OXR1: variants seen among roughly 807,000 people sequenced by gnomAD.
OXR1 encodes oxidation resistance 1.
A neutral mutation model predicts 104.6 loss-of-function variants in OXR1; 41 were observed. That is an observed-to-expected ratio of 0.39 (90% CI 0.31 to 0.51). The LOEUF (loss-of-function observed/expected upper bound fraction) is 0.51, where lower values mean the gene tolerates loss of function less well. Ranked by LOEUF, OXR1 falls within the 20% of genes least tolerant of loss-of-function variation. OXR1 has a pLI of 0.77. For missense variants in OXR1, 955 were observed against 1,031.9 expected (o/e 0.93, Z 1.02); for synonymous variants, 348 against 348.4 (o/e 1.00, Z 0.01).
intron 1 of OXR1, among the ~76,000 whole-genome samples, chr8:106,283,055 G>C (rs184544503): frequency 4.6e-4 from 70 of 152,276 alleles, no homozygotes; most frequent in African/African-American, 1.3e-3. Context: ...GTGAACACTG[G>C]TGTGGTCCAG....
intron 1 of OXR1, among the ~76,000 whole-genome samples, chr8:106,333,697 T>C (rs1414233975): frequency 6.6e-6 from 1 of 152,118 alleles, no homozygotes; most frequent in African/African-American, 2.4e-5. Context: ...TTTTTGCATG[T>C]AGATAATGAT....
At chr8:106,292,087 T>C (rs934140759) in intron 1 of OXR1, among the ~76,000 whole-genome samples, 1 of 152,154 alleles carries the variant, frequency 6.6e-6, no homozygotes, top group African/African-American at 2.4e-5. Flanking sequence ...AATCATCCTT[T>C]TGTTCAGCGT....
chr8:106,567,691 T>G (rs1227510392), intron 3 of OXR1, among the ~76,000 whole-genome samples: 1 of 152,190 alleles, frequency 6.6e-6, no homozygotes, highest in African/African-American at 2.4e-5. Flanking sequence ...TTTTAGGACA[T>G]GAAGTTTTCA....
At chr8:106,371,759 ACT>A (rs148983697) in intron 2 of OXR1, among the ~76,000 whole-genome samples, 4,152 of 152,066 alleles carry the variant, frequency 0.027, 59 homozygotes, top group Non-Finnish European at 0.032. Flanking sequence ...TTCTCCAATA[ACT>A]CTTCCTGCAG....
At chr8:106,298,653 A>G (rs1235450388) in intron 1 of OXR1, among the ~76,000 whole-genome samples, 1 of 152,218 alleles carries the variant, frequency 6.6e-6, no homozygotes, top group Non-Finnish European at 1.5e-5. Context: ...ACTCAGAGCC[A>G]TAAATATTGA....
chr8:106,386,141 T>C (rs940907958), intron 2 of OXR1, among the ~76,000 whole-genome samples: 1 of 152,166 alleles, frequency 6.6e-6, no homozygotes, highest in African/African-American at 2.4e-5. Context: ...TCTGTAACTG[T>C]CTACTATCCC....
intron 3 of OXR1, among the ~76,000 whole-genome samples, chr8:106,549,243 C>CGT (rs746990373): frequency 4.5e-4 from 58 of 128,674 alleles, no homozygotes; most frequent in Middle Eastern, 4.2e-3. Context: ...ACATATCAAA[C>CGT]ATTTTTTTTT....
chr8:106,337,452 G>A (rs900774462), intron 1 of OXR1, among the ~76,000 whole-genome samples: 5 of 152,126 alleles, frequency 3.3e-5, no homozygotes, highest in Non-Finnish European at 5.9e-5. Context: ...CTTGTTTCAC[G>A]AATAGAGAAT....
chr8:106,405,160 A>AGTGTG (rs1369065094), intron 2 of OXR1, among the ~76,000 whole-genome samples: 1 of 23,976 alleles, frequency 4.2e-5, no homozygotes, highest in African/African-American at 1.2e-4. Flanking sequence ...ATATATATAT[A>AGTGTG]TATATATATA....
At chr8:106,292,549 C>G (rs1304019983) in intron 1 of OXR1, among the ~76,000 whole-genome samples, 4 of 152,146 alleles carry the variant, frequency 2.6e-5, no homozygotes, top group African/African-American at 9.7e-5. Flanking sequence ...TGGTACTATC[C>G]TCGGTTTCAG....
chr8:106,612,994 C>T lies in OXR1; in HGVS notation c.221-66216C>T, dbSNP rs544188084. On this transcript the variant is annotated intron_variant, in intron 3 of 16. Transcript: ENST00000517566. ...TCTGCAACACGTGCTTTCAGGCAAG[C>T]GTTAGTCAGTGCAGCTCAGGGAAAA... 7.9e-5 allele frequency among the ~76,000 whole-genome samples: 12 copies of T among 152,118 alleles called. No homozygotes were observed. The South Asian group carries it at 1.5e-3, about 18-fold the overall frequency.
intron 3 of OXR1, among the ~76,000 whole-genome samples, chr8:106,536,920 A>G (rs1234747719): frequency 6.6e-6 from 1 of 152,218 alleles, no homozygotes; most frequent in Non-Finnish European, 1.5e-5. Context: ...ATTATCTGTT[A>G]TCTGAAAAGC....
chr8:106,362,764 C>G (rs1816299698), intron 2 of OXR1, among the ~76,000 whole-genome samples: 1 of 152,116 alleles, frequency 6.6e-6, no homozygotes, highest in Non-Finnish European at 1.5e-5. Flanking sequence ...AGGTTCCAGG[C>G]TAATCTGAGG....
At chr8:106,548,509 C>A (rs1815549841) in intron 3 of OXR1, among the ~76,000 whole-genome samples, 2 of 152,102 alleles carry the variant, frequency 1.3e-5, no homozygotes, top group African/African-American at 4.8e-5. Flanking sequence ...GCTATAGAGG[C>A]AACAACTATA....
intron 2 of OXR1, among the ~76,000 whole-genome samples, chr8:106,365,233 A>G (rs1331001923): frequency 1.3e-5 from 2 of 152,132 alleles, no homozygotes; most frequent in East Asian, 1.9e-4. Flanking sequence ...GAGAGATAAT[A>G]TGAGTATTTC....
chr8:106,594,224 G>A (rs541706661), intron 3 of OXR1, among the ~76,000 whole-genome samples: 9 of 152,250 alleles, frequency 5.9e-5, no homozygotes, highest in African/African-American at 9.6e-5. Flanking sequence ...TAAAGGACAT[G>A]TGTCTCTATT....
intron 2 of OXR1, among the ~76,000 whole-genome samples, chr8:106,476,170 T>A (rs1029450661): frequency 1.1e-4 from 17 of 151,910 alleles, no homozygotes; most frequent in Admixed American, 9.2e-4. Flanking sequence ...AAGGTCCTTA[T>A]GACCTTCTGA....
intron 2 of OXR1, among the ~76,000 whole-genome samples, chr8:106,377,930 G>A (rs1195435669): frequency 6.6e-6 from 1 of 152,156 alleles, no homozygotes; most frequent in Non-Finnish European, 1.5e-5. Context: ...TTGACCTAGT[G>A]TAGTATAGGT....
chr8:106,508,335 A>G (rs1812301922), intron 2 of OXR1, among the ~76,000 whole-genome samples: 1 of 152,222 alleles, frequency 6.6e-6, no homozygotes, highest in Admixed American at 6.5e-5. Context: ...TCTGTAATGT[A>G]ATTTTTAACA....
Sources: gnomAD v4.1 joint callset for allele counts (sites outside exome capture counted in the v4.1 genomes callset) on GRCh38, gnomAD v4.1.1 for gene constraint, MANE v1.5 for transcripts, NCBI Gene and HGNC (gene_info 2026-07-23, HGNC 2026-07-21) for gene names.